Variants in RIPOR2 observed in about 807,000 individuals in gnomAD.
RIPOR2 encodes RHO family interacting cell polarization regulator 2.
RIPOR2 carries 39 observed loss-of-function variants against 114.5 expected under a neutral mutation model. That is an observed-to-expected ratio of 0.34 (90% confidence interval 0.26 to 0.44). The LOEUF (loss-of-function observed/expected upper bound fraction) is 0.44. Ranked by LOEUF, RIPOR2 falls within the 20% of genes least tolerant of loss-of-function variation. RIPOR2 has a pLI of 1.00. For missense variants in RIPOR2, 1,007 were observed against 1,255.1 expected, an observed-to-expected ratio of 0.80 and a Z score of 2.99; for synonymous variants, 445 against 484.4, an observed-to-expected ratio of 0.92 and a Z score of 1.07.
intron 1 of RIPOR2, among the ~76,000 whole-genome samples, chr6:25,020,840 G>A (rs1365450490): frequency 6.6e-6 from 1 of 152,064 alleles, no homozygotes; most frequent in Admixed American, 6.5e-5. Context: ...CAAGGTTCAT[G>A]TCTAGTTTAA....
intron 3 of RIPOR2, 116 bp from the exon 4 acceptor site, chr6:24,873,075 T>C (rs1765373300): frequency 7.3e-6 from 5 of 686,712 alleles, no homozygotes; most frequent in Admixed American, 2.5e-5. Context: ...GCTCTGTAGT[T>C]GGGCAGGAGG....
rs187576594 is a variant in RIPOR2, at chr6:24,847,045, G to A, written c.1164+980C>T. Among the ~76,000 whole-genome samples the A allele has an allele frequency of 4.0e-3, 611 of 152,282 alleles. 3 individuals are homozygous for A. The highest frequency in any genetic ancestry group is 0.014 in the African/African-American group (561 of 41,552). ...TGGCTAACTGCAACCTCTGCCTCCT[G>A]GGTTCAAGTGATCCTCTCACCTCAG... is the stretch of plus-strand genomic sequence containing the variant. On this transcript the variant is annotated intron_variant, in intron 12 of 21. Transcript: ENST00000643898.
At chr6:24,855,479 A>G (rs1763376883) in intron 8 of RIPOR2, among the ~76,000 whole-genome samples, 1 of 152,208 alleles carries the variant, frequency 6.6e-6, no homozygotes, top group Non-Finnish European at 1.5e-5. Context: ...CTGTTTACCC[A>G]GTAATTTTTT....
chr6:24,892,110 C>T lies in RIPOR2; in HGVS notation c.62-16293G>A, dbSNP rs190109208. Among the ~76,000 whole-genome samples the T allele has an allele frequency of 1.5e-4, 23 of 152,248 alleles. No homozygotes were observed. The East Asian group carries it at 4.2e-3, about 28-fold the overall frequency. On this transcript the variant is annotated intron_variant, in intron 1 of 21. Transcript: ENST00000643898. ...CTGACCTCAAGTGATCCACCTGCCTCAGCCTCACAAAGTGCTGGGATTACA... is the reference window on the plus strand; with the variant it reads ...CTGACCTCAAGTGATCCACCTGCCTTAGCCTCACAAAGTGCTGGGATTACA...
chr6:24,826,335 C>T (rs575938652), intron 18 of RIPOR2, among the ~76,000 whole-genome samples: 235 of 152,274 alleles, frequency 1.5e-3, no homozygotes, highest in African/African-American at 5.6e-3. Context: ...GTATACTCTA[C>T]TCCCTAACCA....
intron 2 of RIPOR2, among the ~76,000 whole-genome samples, chr6:24,874,352 C>T (rs1765513218): frequency 6.6e-6 from 1 of 152,158 alleles, no homozygotes; most frequent in Non-Finnish European, 1.5e-5. Flanking sequence ...TTCAAGCAAT[C>T]CTCCAGCCTT....
chr6:24,893,459 A>C (rs1236890053), intron 1 of RIPOR2, among the ~76,000 whole-genome samples: 1 of 152,164 alleles, frequency 6.6e-6, no homozygotes, highest in Non-Finnish European at 1.5e-5. Flanking sequence ...AATATATGAA[A>C]ACCCTTGTCC....
chr6:24,834,773 G>A (rs1343754673), intron 15 of RIPOR2, among the ~76,000 whole-genome samples: 2 of 152,062 alleles, frequency 1.3e-5, no homozygotes, highest in African/African-American at 4.8e-5. Flanking sequence ...ATAGGCCTGT[G>A]CCACCACACC....
intron 1 of RIPOR2, among the ~76,000 whole-genome samples, chr6:24,968,470 C>G (rs1292414926): frequency 6.6e-6 from 1 of 152,190 alleles, no homozygotes; most frequent in African/African-American, 2.4e-5. Context: ...TGGATTAGAA[C>G]TTGAGTCTGC....
intron 10 of RIPOR2, 63 bp from the exon 11 acceptor site, chr6:24,850,013 G>A (rs1762706784): frequency 2.8e-6 from 4 of 1,418,740 alleles, no homozygotes; most frequent in African/African-American, 1.4e-5. Context: ...GTAGAATAAT[G>A]TGTCATTTTT....
At chr6:24,979,166 A>C (rs1278462647) in intron 1 of RIPOR2, among the ~76,000 whole-genome samples, 4 of 152,032 alleles carry the variant, frequency 2.6e-5, no homozygotes, top group Non-Finnish European at 5.9e-5. Context: ...GCTGTCGTGC[A>C]TCCTATCTAT....
chr6:25,036,191 G>A lies in RIPOR2; in HGVS notation c.76+5660C>T, dbSNP rs1241857797. Among the ~76,000 whole-genome samples the A allele has an allele frequency of 2.6e-5, 4 of 152,150 alleles. No individual in the cohort carries two copies. The East Asian group carries it at 7.7e-4, about 29-fold the overall frequency. On this transcript the variant is annotated intron_variant, in intron 1 of 13. Coordinates refer to the RIPOR2 transcript ENST00000510784. ...CAGAACAAGACAATTAAGTCACATT[G>A]ACACTGGGAGGAAGTCGCCAGTGGT...
chr6:24,859,791 C>T (rs796295167), intron 8 of RIPOR2, among the ~76,000 whole-genome samples: 9 of 152,150 alleles, frequency 5.9e-5, no homozygotes, highest in South Asian at 2.1e-4. Flanking sequence ...GCCCTCCTGT[C>T]GAGCCCTTTC....
At chr6:24,867,328 G>C (rs1253336599) in intron 6 of RIPOR2, among the ~76,000 whole-genome samples, 1 of 152,220 alleles carries the variant, frequency 6.6e-6, no homozygotes, top group Non-Finnish European at 1.5e-5. Context: ...TGGTGAGCTT[G>C]GTAAAATGCT....
intron 1 of RIPOR2, among the ~76,000 whole-genome samples, chr6:24,993,449 T>C (rs1296276876): frequency 1.3e-5 from 2 of 152,272 alleles, no homozygotes; most frequent in Non-Finnish European, 2.9e-5. Context: ...TTTTCCTCCA[T>C]CCTTTTATTT....
upstream of RIPOR2, among the ~76,000 whole-genome samples, chr6:24,938,734 A>G (rs1771953771): frequency 6.6e-6 from 1 of 152,192 alleles, no homozygotes; most frequent in African/African-American, 2.4e-5. Flanking sequence ...TATCTCAGAA[A>G]CACAGCTAAT....
chr6:24,935,776 C>T (rs1771766669), intron 1 of RIPOR2, 62 bp downstream of exon 1: 1 of 1,198,844 alleles, frequency 8.3e-7, no homozygotes, highest in Non-Finnish European at 1.2e-6. Context: ...GCAAAAGTGT[C>T]CAGTGGTGTC....
At chr6:24,863,740 A>T (rs1008307634) in intron 7 of RIPOR2, among the ~76,000 whole-genome samples, 1 of 152,262 alleles carries the variant, frequency 6.6e-6, no homozygotes, top group African/African-American at 2.4e-5. Flanking sequence ...ACTGATAGAA[A>T]TCACATATAT....
At chr6:24,841,257 T>C (rs1761684729) in intron 13 of RIPOR2, among the ~76,000 whole-genome samples, 1 of 152,214 alleles carries the variant, frequency 6.6e-6, no homozygotes, top group Non-Finnish European at 1.5e-5. Context: ...TTGAAATGAA[T>C]ACCTTTTGCC....
Sources: allele counts gnomAD v4.1 joint callset (sites outside exome capture counted in the v4.1 genomes callset), GRCh38; gene constraint gnomAD v4.1.1; transcripts MANE v1.5; gene names NCBI Gene and HGNC (gene_info 2026-07-23, HGNC 2026-07-21).